EFR3A: variants seen among roughly 807,000 people sequenced by gnomAD.
EFR3A encodes the protein protein EFR3 homolog A.
In EFR3A, 76 loss-of-function variants were observed where a neutral mutation model predicts 104.4. That is an observed-to-expected ratio of 0.73 (90% confidence interval 0.60 to 0.88). The LOEUF (loss-of-function observed/expected upper bound fraction) is 0.88. Among genes scored for constraint, EFR3A ranks in the 40% least tolerant of loss-of-function variants. EFR3A has a pLI of 0.00. For missense variants in EFR3A, 985 were observed against 1,012.5 expected (o/e 0.97, Z 0.37); for synonymous variants, 330 against 330.0 (o/e 1.00, Z 0.00).
chr8:131,927,253 C>T (rs1817347542), intron 1 of EFR3A, among the ~76,000 whole-genome samples: 1 of 152,146 alleles, frequency 6.6e-6, no homozygotes, highest in Non-Finnish European at 1.5e-5. Context: ...TAGCTGAAGA[C>T]AGGGACAACA....
chr8:131,907,034 G>T lies in EFR3A; in HGVS notation c.10+2712G>T, dbSNP rs186413830. 6.4e-4 allele frequency among the ~76,000 whole-genome samples: 97 copies of T among 152,288 alleles called. 1 individual carries two copies. Among genetic ancestry groups the T allele is most frequent in the Admixed American group, 2.1e-3 (32 of 15,304 alleles). On this transcript the variant is annotated intron_variant, in intron 1 of 22. Coordinates refer to ENST00000254624, the MANE Select transcript of EFR3A (RefSeq NM_015137.6). ...GAGAGTTTCCATGGAGTAAAACCATGACTTGAACACAGAACTGGCCCCTAT... is the reference window on the plus strand; with the variant it reads ...GAGAGTTTCCATGGAGTAAAACCATTACTTGAACACAGAACTGGCCCCTAT...
Position 132,012,642 on chromosome 8 carries a change from TA to T in EFR3A, c.*1748del, listed in dbSNP as rs1250234484. 1 of 152,560 alleles carries T rather than the reference TA, an allele frequency of 6.6e-6. No homozygotes were observed. The highest frequency in any genetic ancestry group is 1.5e-5 in the Non-Finnish European group (1 of 68,022). 9.5% of individuals were successfully genotyped at this position (152,560 alleles called of 1,614,324 possible). On this transcript the variant is annotated 3_prime_UTR_variant, in exon 23 of 23. Coordinates refer to ENST00000254624, the MANE Select transcript of EFR3A (RefSeq NM_015137.6). Reference sequence around the variant, plus strand: ...TTAAAGAAGGATGTTAATTTTTGACTATATATTTTAAAAAAATCTAAGCAGG... The same window carrying T: ...TTAAAGAAGGATGTTAATTTTTGACTTATATTTTAAAAAAATCTAAGCAGG...
At chr8:131,965,167 A>C (rs1377172024) in intron 8 of EFR3A, among the ~76,000 whole-genome samples, 1 of 152,214 alleles carries the variant, frequency 6.6e-6, no homozygotes, top group African/African-American at 2.4e-5. Context: ...CAAGGACTTC[A>C]TGTCTAAAAC....
chr8:131,979,272 C>G, intron 13 of EFR3A, 74 bp from the exon 14 acceptor site: 2 of 1,217,170 alleles, frequency 1.6e-6, no homozygotes, highest in Non-Finnish European at 2.3e-6. Context: ...AGTATAAATA[C>G]AATTTTCCAT....
chr8:131,953,648 T>C (rs559045288), intron 5 of EFR3A, among the ~76,000 whole-genome samples, 170 bp from the exon 6 acceptor site: 36 of 152,276 alleles, frequency 2.4e-4, no homozygotes, highest in Non-Finnish European at 4.6e-4. Flanking sequence ...CACATCTCCA[T>C]GTCTCTTAAA....
At chr8:131,948,106 T>G (rs1818522053) in intron 4 of EFR3A, among the ~76,000 whole-genome samples, 1 of 152,094 alleles carries the variant, frequency 6.6e-6, no homozygotes, top group East Asian at 1.9e-4. Flanking sequence ...TACTGTATGT[T>G]TCCATTCAGA....
chr8:131,904,425 T>TGAGCA, intron 1 of EFR3A, 103 bp downstream of exon 1: 8 of 1,104,838 alleles, frequency 7.2e-6, no homozygotes, highest in Non-Finnish European at 9.2e-6. Flanking sequence ...TGGGCCGCGC[T>TGAGCA]GAGCAGAGCC....
intron 7 of EFR3A, among the ~76,000 whole-genome samples, chr8:131,956,375 A>G (rs1818991897): frequency 6.6e-6 from 1 of 152,154 alleles, no homozygotes; most frequent in Non-Finnish European, 1.5e-5. Context: ...CAGAGCAAGA[A>G]TATTAAATAT....
intron 1 of EFR3A, among the ~76,000 whole-genome samples, chr8:131,910,674 C>T (rs563235783): frequency 2.0e-5 from 3 of 152,212 alleles, no homozygotes; most frequent in African/African-American, 4.8e-5. Flanking sequence ...CTCTGTGTTT[C>T]GCAGGGCAGA....
At chr8:131,934,763 C>T (rs551240854) in intron 1 of EFR3A, among the ~76,000 whole-genome samples, 12 of 152,012 alleles carry the variant, frequency 7.9e-5, no homozygotes, top group African/African-American at 2.7e-4. Flanking sequence ...ATGCAGTACA[C>T]AGACATATTT....
intron 18 of EFR3A, among the ~76,000 whole-genome samples, chr8:131,990,730 A>T (rs1233169664): frequency 6.6e-6 from 1 of 152,156 alleles, no homozygotes; most frequent in Non-Finnish European, 1.5e-5. Flanking sequence ...AGGAGAAATG[A>T]CAGTGGCCCA....
At chr8:131,904,967 T>A (rs967902057) in intron 1 of EFR3A, among the ~76,000 whole-genome samples, 1 of 152,234 alleles carries the variant, frequency 6.6e-6, no homozygotes, top group Non-Finnish European at 1.5e-5. Flanking sequence ...GGAGTCTGCA[T>A]GTCTAATAAG....
At chr8:131,907,881 C>G (rs1460722326) in intron 1 of EFR3A, among the ~76,000 whole-genome samples, 1 of 151,682 alleles carries the variant, frequency 6.6e-6, no homozygotes, top group Non-Finnish European at 1.5e-5. Flanking sequence ...TGTGTCCTGC[C>G]AGAGTTGTAG....
At chr8:131,919,300 A>C (rs1319500458) in intron 1 of EFR3A, among the ~76,000 whole-genome samples, 1 of 152,170 alleles carries the variant, frequency 6.6e-6, no homozygotes, top group African/African-American at 2.4e-5. Flanking sequence ...TGCATACCAT[A>C]AAATTTACCT....
chr8:131,904,646 CTT>C (rs1228647915), intron 1 of EFR3A, among the ~76,000 whole-genome samples: 4 of 152,218 alleles, frequency 2.6e-5, no homozygotes, highest in Non-Finnish European at 4.4e-5. Flanking sequence ...CTTCGTGGGA[CTT>C]TATGGAAATA....
At chr8:131,990,019 A>G (rs1821087952) in intron 18 of EFR3A, among the ~76,000 whole-genome samples, 2 of 152,322 alleles carry the variant, frequency 1.3e-5, no homozygotes, top group East Asian at 1.9e-4. Flanking sequence ...TGAATCGTTC[A>G]GAGGTACCAG....
chr8:131,949,861 GT>G (rs1818611323), intron 4 of EFR3A, 107 bp from the exon 5 acceptor site: 1 of 1,029,284 alleles, frequency 9.7e-7, no homozygotes, highest in African/African-American at 1.6e-5. Context: ...TGTTTTGTTT[GT>G]TACTTATTTT....
At chr8:131,923,776 C>A (rs893320287) in intron 1 of EFR3A, among the ~76,000 whole-genome samples, 1 of 152,054 alleles carries the variant, frequency 6.6e-6, no homozygotes, top group Non-Finnish European at 1.5e-5. Flanking sequence ...TTTGCCAGTG[C>A]GCACTCAGAA....
Position 132,013,132 on chromosome 8 carries a change from G to A in EFR3A, c.*2237G>A, listed in dbSNP as rs1649333974. The A allele has an allele frequency of 6.6e-6, 1 of 152,156 alleles. No individual in the cohort carries two copies. 9.4% of individuals were successfully genotyped at this position (152,156 alleles called of 1,614,324 possible). A position where few individuals can be genotyped will look rare whatever the true frequency, so the allele number is the denominator to read the frequency against. On this transcript the variant is annotated 3_prime_UTR_variant, in exon 23 of 23. Transcript: ENST00000254624. ...AGGTACTGAATATTTAGGATTTGGT[G>A]AAGTTCACTGTATTGCTATATTTTT...
Sources: allele counts gnomAD v4.1 joint callset (sites outside exome capture counted in the v4.1 genomes callset), GRCh38; gene constraint gnomAD v4.1.1; transcripts MANE v1.5; gene names NCBI Gene and HGNC (gene_info 2026-07-23, HGNC 2026-07-21).